Variants in GRID2 observed in about 807,000 individuals in gnomAD.
The protein encoded by GRID2 is glutamate receptor ionotropic, delta-2.
A neutral mutation model predicts 114.8 loss-of-function variants in GRID2; 33 were observed. The ratio of observed to expected loss-of-function variants is 0.29; its 90% confidence interval spans 0.22 to 0.38. The LOEUF (loss-of-function observed/expected upper bound fraction) is 0.38, where lower values mean the gene tolerates loss of function less well. Among genes scored for constraint, GRID2 ranks in the 10% least tolerant of loss-of-function variants. The pLI is 1.00. For missense variants in GRID2, 1,184 were observed against 1,257.7 expected, an observed-to-expected ratio of 0.94 and a Z score of 0.89; for synonymous variants, 505 against 449.9, an observed-to-expected ratio of 1.12 and a Z score of -1.55.
At chr4:92,893,033 A>C (rs1419774923) in intron 2 of GRID2, among the ~76,000 whole-genome samples, 1 of 152,226 alleles carries the variant, frequency 6.6e-6, no homozygotes, top group Non-Finnish European at 1.5e-5. Context: ...CAAAATAACC[A>C]AAATACTTTG....
At chr4:93,225,648 AG>A (rs1745400139) in intron 7 of GRID2, among the ~76,000 whole-genome samples, 4 of 152,332 alleles carry the variant, frequency 2.6e-5, no homozygotes, top group Admixed American at 2.6e-4. Flanking sequence ...GCCCTTAAAA[AG>A]TCAGAGTAAA....
downstream of GRID2, among the ~76,000 whole-genome samples, chr4:93,777,448 T>C (rs1295354302): frequency 6.6e-6 from 1 of 152,218 alleles, no homozygotes; most frequent in Non-Finnish European, 1.5e-5. Flanking sequence ...TAATTTTGTA[T>C]CATAGTTCCT....
At chr4:92,946,759 G>T (rs115730293) in intron 2 of GRID2, among the ~76,000 whole-genome samples, 1,554 of 152,128 alleles carry the variant, frequency 0.01, 11 homozygotes, top group Non-Finnish European at 0.016. Flanking sequence ...ATGCAGCATC[G>T]TTCAAAGTCA....
chr4:93,259,187 A>G (rs558474455), intron 8 of GRID2, among the ~76,000 whole-genome samples: 51 of 151,966 alleles, frequency 3.4e-4, no homozygotes, highest in African/African-American at 1.1e-3. Flanking sequence ...ACAAGTACCT[A>G]GGAGACAAGT....
chr4:93,137,491 A>G (rs1482637361), intron 4 of GRID2, among the ~76,000 whole-genome samples: 1 of 152,156 alleles, frequency 6.6e-6, no homozygotes, highest in South Asian at 2.1e-4. Flanking sequence ...AGCTCTGTCA[A>G]TATCATCTAA....
intron 12 of GRID2, among the ~76,000 whole-genome samples, chr4:93,497,548 G>A (rs997334188): frequency 6.6e-5 from 10 of 151,588 alleles, no homozygotes; most frequent in East Asian, 1.9e-4. Context: ...AAAGTGCAAC[G>A]TTTAGGTTCA....
At chr4:93,596,843 T>A (rs1739157540) in intron 13 of GRID2, among the ~76,000 whole-genome samples, 2 of 152,250 alleles carry the variant, frequency 1.3e-5, no homozygotes, top group Admixed American at 1.3e-4. Context: ...TATGAGGTTC[T>A]TCTACATACA....
chr4:93,423,605 A>C (rs575310070), intron 10 of GRID2, among the ~76,000 whole-genome samples: 1 of 151,990 alleles, frequency 6.6e-6, no homozygotes, highest in Admixed American at 6.6e-5. Context: ...TATTGGAAAA[A>C]ATTAAAACAT....
At chr4:92,678,026 C>T (rs1733463407) in intron 2 of GRID2, among the ~76,000 whole-genome samples, 1 of 152,116 alleles carries the variant, frequency 6.6e-6, no homozygotes. Context: ...AAGTACCTTA[C>T]CACCTTAGGG....
At chr4:92,687,778 A>G (rs1733985138) in intron 2 of GRID2, among the ~76,000 whole-genome samples, 1 of 151,916 alleles carries the variant, frequency 6.6e-6, no homozygotes, top group East Asian at 2.0e-4. Context: ...GCAGTGAGCC[A>G]AGATTGCACC....
At chr4:92,691,317 T>A (rs1247968177) in intron 2 of GRID2, among the ~76,000 whole-genome samples, 1 of 152,098 alleles carries the variant, frequency 6.6e-6, no homozygotes, top group East Asian at 1.9e-4. Flanking sequence ...TACTTTATTA[T>A]GAAGAGACTC....
intron 13 of GRID2, among the ~76,000 whole-genome samples, chr4:93,582,116 G>A (rs1737041957): frequency 6.6e-6 from 1 of 152,090 alleles, no homozygotes; most frequent in African/African-American, 2.4e-5. Flanking sequence ...GGATCTTACT[G>A]GCTAAAATTA....
At chr4:93,192,167 C>G (rs567157686) in intron 4 of GRID2, among the ~76,000 whole-genome samples, 31 of 152,142 alleles carry the variant, frequency 2.0e-4, no homozygotes, top group Non-Finnish European at 3.7e-4. Context: ...CATAACCTTA[C>G]TAACACTTTG....
intron 1 of GRID2, among the ~76,000 whole-genome samples, chr4:92,465,036 C>T (rs1295166437): frequency 6.6e-6 from 1 of 152,070 alleles, no homozygotes; most frequent in South Asian, 2.1e-4. Context: ...GCTTCCCCTT[C>T]GCCTTCCACC....
chr4:92,665,931 A>G (rs1732751769), intron 2 of GRID2, among the ~76,000 whole-genome samples: 1 of 151,454 alleles, frequency 6.6e-6, no homozygotes, highest in Non-Finnish European at 1.5e-5. Flanking sequence ...GAATTCATTA[A>G]AGTTCTTGAA....
At chr4:93,358,534 G>T (rs2149271088) in intron 8 of GRID2, among the ~76,000 whole-genome samples, 1 of 151,886 alleles carries the variant, frequency 6.6e-6, no homozygotes, top group Admixed American at 6.6e-5. Flanking sequence ...GAGCATGTTA[G>T]AAAATAGATA....
At chr4:92,699,024 A>G (rs1579865881) in intron 2 of GRID2, among the ~76,000 whole-genome samples, 1 of 151,936 alleles carries the variant, frequency 6.6e-6, no homozygotes, top group African/African-American at 2.4e-5. Flanking sequence ...GAAATTCACT[A>G]TTTTTCTTTT....
chr4:93,224,770 A>C lies in GRID2; in HGVS notation c.1120A>C (p.Lys374Gln). The change falls in exon 7 of 16, where the codon AAG (lysine) becomes CAG (glutamine). Residue 374 changes from lysine to glutamine, a missense_variant. Lys to Gln is a moderately conservative substitution (Grantham distance 53). This residue lies in a region of GRID2 where 717 missense variants were observed against 796.9 expected (regional missense o/e 0.90). Transcript: ENST00000282020. Reference protein sequence around the residue: ...QGGRSMLETIKKGGVSGLTGE... With the variant: ...QGGRSMLETIQKGGVSGLTGE... ...TGGGCGCTCCATGTTGGAGACCATC[A>C]AGAAGGTAACTTCTTAATTTTCATG... 2 of 1,606,412 alleles carry C rather than the reference A, an allele frequency of 1.2e-6. No individual in the cohort carries two copies. Among genetic ancestry groups the C allele is most frequent in the Non-Finnish European group, 8.5e-7 (1 of 1,174,838 alleles).
At chr4:93,433,277 A>G (rs971609558) in intron 10 of GRID2, among the ~76,000 whole-genome samples, 1 of 152,210 alleles carries the variant, frequency 6.6e-6, no homozygotes, top group Non-Finnish European at 1.5e-5. Context: ...GAGGTTGGTC[A>G]GTTTTTGTGT....
Sources: gnomAD v4.1 joint callset for allele counts (sites outside exome capture counted in the v4.1 genomes callset) on GRCh38, gnomAD v4.1.1 for gene constraint, gnomAD v4.1.1 regional missense constraint, MANE v1.5 for transcripts, NCBI Gene and HGNC (gene_info 2026-07-23, HGNC 2026-07-21) for gene names.